The following VAV2 variants were observed in gnomAD, a reference collection of about 807,000 sequenced individuals.
VAV2 encodes the protein guanine nucleotide exchange factor VAV2.
In VAV2, 67 loss-of-function variants were observed where a neutral mutation model predicts 132.5. That is an observed-to-expected ratio of 0.51 (90% CI 0.42 to 0.62). The LOEUF (loss-of-function observed/expected upper bound fraction) is 0.62, where lower values mean the gene tolerates loss of function less well. VAV2 is among the 20% of genes least tolerant of loss of function. VAV2 has a pLI of 0.00. For synonymous variants in VAV2, 492 were observed against 443.5 expected (o/e 1.11, Z -1.37); for missense variants, 938 against 1,153.6 (o/e 0.81, Z 2.71).
chr9:133,811,140 G>A (rs993789698), intron 5 of VAV2, among the ~76,000 whole-genome samples: 15 of 139,280 alleles, frequency 1.1e-4, no homozygotes, highest in Non-Finnish European at 1.7e-4. Flanking sequence ...TCCCTCGGGG[G>A]AGACCCCCCG....
At chr9:133,865,309 T>C (rs1443469302) in intron 2 of VAV2, among the ~76,000 whole-genome samples, 1 of 152,212 alleles carries the variant, frequency 6.6e-6, no homozygotes, top group East Asian at 1.9e-4. Flanking sequence ...CCCAGATGTC[T>C]AGCTATTCAC....
intron 2 of VAV2, among the ~76,000 whole-genome samples, chr9:133,929,150 C>T (rs1337946064): frequency 1.3e-5 from 2 of 152,176 alleles, no homozygotes; most frequent in Non-Finnish European, 2.9e-5. Flanking sequence ...GTCCTGATGA[C>T]GGCCTGATCC....
At chr9:133,970,004 C>T (rs75688889) in intron 1 of VAV2, among the ~76,000 whole-genome samples, 1 of 152,108 alleles carries the variant, frequency 6.6e-6, no homozygotes, top group Admixed American at 6.5e-5. Flanking sequence ...GTTCCTGCCA[C>T]CCCCCAGACG....
At chr9:133,887,658 C>T (rs1838765801) in intron 2 of VAV2, among the ~76,000 whole-genome samples, 1 of 152,108 alleles carries the variant, frequency 6.6e-6, no homozygotes, top group Non-Finnish European at 1.5e-5. Flanking sequence ...CCCTCCCCAA[C>T]CCCAGCACCC....
At chr9:133,766,763 T>TAAATAA (rs1833449779) in intron 29 of VAV2, among the ~76,000 whole-genome samples, 1 of 115,050 alleles carries the variant, frequency 8.7e-6, no homozygotes, top group Non-Finnish European at 1.8e-5. Flanking sequence ...TAAATAAATA[T>TAAATAA]ATATATATAT....
chr9:133,972,855 C>A (rs115790147), intron 1 of VAV2, among the ~76,000 whole-genome samples: 1,776 of 152,262 alleles, frequency 0.012, 32 homozygotes, highest in African/African-American at 0.04. Context: ...TCTCACGTGC[C>A]CACTGGACCC....
intron 3 of VAV2, among the ~76,000 whole-genome samples, chr9:133,858,435 T>C (rs1045430536): frequency 6.6e-6 from 1 of 152,168 alleles, no homozygotes; most frequent in African/African-American, 2.4e-5. Flanking sequence ...GAAGGCTCTA[T>C]GGGGAGGGGA....
At position 133,826,195 on chromosome 9, in the gene VAV2, G is replaced by C. The variant is rs1054572053; in HGVS notation, c.449+8077C>G. Among the ~76,000 whole-genome samples the C allele has an allele frequency of 1.3e-5, 2 of 152,202 alleles. No individual in the cohort carries two copies. The highest frequency in any genetic ancestry group is 1.3e-4 in the Admixed American group (2 of 15,268). ...TTCGTTTCAGAGACTGGGAAACTGA[G>C]GCCCTGTGTGGCATTTAACTTGCCC... On this transcript the variant is annotated intron_variant, in intron 4 of 29. Coordinates refer to ENST00000371850, the MANE Select transcript of VAV2 (RefSeq NM_001134398.2). This position sits in a 1 kb window ranked among gnomAD's most constrained non-coding sequence, Gnocchi z 4.2.
chr9:133,780,013 C>T (rs1268606362), intron 20 of VAV2, 74 bp from the exon 21 acceptor site: 3 of 1,592,240 alleles, frequency 1.9e-6, no homozygotes, highest in Admixed American at 1.7e-5. Flanking sequence ...TCAACGCACC[C>T]CGCCCTCCCT....
At chr9:133,941,805 C>T (rs1841173561) in intron 1 of VAV2, among the ~76,000 whole-genome samples, 1 of 152,096 alleles carries the variant, frequency 6.6e-6, no homozygotes, top group African/African-American at 2.4e-5. Context: ...GGTTTCTCCA[C>T]GTTGGTCAGG....
At position 133,800,976 on chromosome 9, in the gene VAV2, T is replaced by A. The variant is rs775704237; in HGVS notation, c.837-3167A>T. ...GGTCAAAGGGCAGCAGGTAGAGGCCTGTCCAAGGTCAGTGGGAGCCCAAAG... is the reference window on the plus strand; with the variant it reads ...GGTCAAAGGGCAGCAGGTAGAGGCCAGTCCAAGGTCAGTGGGAGCCCAAAG... On this transcript the variant is annotated intron_variant, in intron 9 of 29. Coordinates refer to ENST00000371850, the MANE Select transcript of VAV2 (RefSeq NM_001134398.2). Among the ~76,000 whole-genome samples the A allele has an allele frequency of 2.6e-5, 4 of 152,364 alleles. No homozygotes were observed. In the East Asian group the frequency reaches 7.7e-4, roughly 29 times the overall value.
intron 29 of VAV2, among the ~76,000 whole-genome samples, chr9:133,766,922 G>A (rs918590812): frequency 3.4e-5 from 5 of 147,518 alleles, no homozygotes; most frequent in Non-Finnish European, 1.5e-5. Context: ...TCCTTGCATT[G>A]TCTGGGAAAT....
In VAV2 at chr9:133,788,271, T is replaced by C; in HGVS notation, c.1407+83A>G. On this transcript the variant is annotated intron_variant, in intron 15 of 29. Transcript: ENST00000371850. The surrounding 1 kb of genome is among the most constrained non-coding windows in gnomAD (Gnocchi z 5.3). ...CATCAGCGGCTGACTTCGAGTCCCC[T>C]TCCCCTGGGGTCTGGAACCCAGTGC... 8.3e-6 allele frequency: 9 copies of C among 1,090,812 alleles called. No individual in the cohort carries two copies. Among genetic ancestry groups the C allele is most frequent in the East Asian group, 5.1e-5 (1 of 19,446 alleles). 67.6% of individuals were successfully genotyped at this position (1,090,812 alleles called of 1,614,324 possible). A position where few individuals can be genotyped will look rare whatever the true frequency, so the allele number is the denominator to read the frequency against.
chr9:133,792,455 G>A (rs904239050), intron 12 of VAV2, among the ~76,000 whole-genome samples: 6 of 37,462 alleles, frequency 1.6e-4, no homozygotes, highest in African/African-American at 6.8e-4. Context: ...ACTGGGTAGG[G>A]TGTGTGTGAT....
chr9:133,770,443 G>C lies in VAV2; in HGVS notation c.2282C>G (p.Thr761Ser), dbSNP rs1275345661. Residue 761 changes from threonine to serine, a missense_variant, in exon 27 of 30, where the codon ACC becomes AGC. Thr to Ser is a moderately conservative substitution (Grantham distance 58). Transcript: ENST00000371850. ...SLKESFKQLDTTLKYPYKSRE... is the reference protein window; with the variant it reads ...SLKESFKQLDSTLKYPYKSRE... ...GGACTTGTAGGGGTACTTGAGTGTG[G>C]TGTCCAGCTGCTTGAAGCTCTCCTT... 6.2e-7 allele frequency: 1 copy of C among 1,614,144 alleles called. No homozygotes were observed. Among genetic ancestry groups the C allele is most frequent in the Non-Finnish European group, 8.5e-7 (1 of 1,179,994 alleles).
intron 1 of VAV2, among the ~76,000 whole-genome samples, chr9:133,987,178 G>A (rs1218189289): frequency 6.6e-6 from 1 of 152,122 alleles, no homozygotes; most frequent in Non-Finnish European, 1.5e-5. Flanking sequence ...GACACACTGG[G>A]TCTGTCATTA....
rs1833523720 is a variant in VAV2, at chr9:133,768,857, G to A, written c.2435-261C>T. ...TCTTAGGGACAAGAGCAGGTGCCCA[G>A]GCTTTGACCATCATCATTCCAGTGG... On this transcript the variant is annotated intron_variant, in intron 28 of 29. Coordinates refer to ENST00000371850, the MANE Select transcript of VAV2 (RefSeq NM_001134398.2). This position sits in a 1 kb window ranked among gnomAD's most constrained non-coding sequence, Gnocchi z 5.3. Among the ~76,000 whole-genome samples, 2 of 152,198 alleles carry A rather than the reference G, an allele frequency of 1.3e-5. No homozygotes were observed. Among genetic ancestry groups the A allele is most frequent in the Non-Finnish European group, 1.5e-5 (1 of 68,042 alleles).
intron 1 of VAV2, among the ~76,000 whole-genome samples, chr9:133,982,973 A>G (rs1842745021): frequency 6.6e-6 from 1 of 152,194 alleles, no homozygotes; most frequent in South Asian, 2.1e-4. Context: ...GAAACCTAAA[A>G]TATTTACCAT....
intron 2 of VAV2, among the ~76,000 whole-genome samples, chr9:133,938,042 G>A (rs1167744964): frequency 6.6e-6 from 1 of 152,230 alleles, no homozygotes; most frequent in African/African-American, 2.4e-5. Context: ...GCTCCTCTCA[G>A]AACCGACTTC....
Sources: allele counts gnomAD v4.1 joint callset (sites outside exome capture counted in the v4.1 genomes callset), GRCh38; gene constraint gnomAD v4.1.1; non-coding constraint Gnocchi (gnomAD v3.1); transcripts MANE v1.5; gene names NCBI Gene and HGNC (gene_info 2026-07-23, HGNC 2026-07-21).